Variants in BACH2 observed in about 807,000 individuals in gnomAD.
BACH2 encodes the protein transcription regulator protein BACH2.
Under a neutral mutation model 61.8 loss-of-function variants are expected in BACH2, and 5 were observed. That is an observed-to-expected ratio of 0.08 (90% CI 0.04 to 0.17). The LOEUF (loss-of-function observed/expected upper bound fraction) is 0.17. Ranked by LOEUF, BACH2 falls within the 10% of genes least tolerant of loss-of-function variation. The pLI, the probability that BACH2 is intolerant of heterozygous loss-of-function variation, is 1.00. For synonymous variants in BACH2, 446 were observed against 440.1 expected, an observed-to-expected ratio of 1.01 and a Z score of -0.17; for missense variants, 824 against 1,091.1, an observed-to-expected ratio of 0.76 and a Z score of 3.45.
intron 5 of BACH2, among the ~76,000 whole-genome samples, chr6:90,054,235 G>A (rs996970361): frequency 6.6e-6 from 1 of 152,230 alleles, no homozygotes; most frequent in Non-Finnish European, 1.5e-5. Flanking sequence ...AGCGGTGACA[G>A]ACGGCACCTG....
At chr6:90,098,694 A>G (rs936449471) in intron 4 of BACH2, among the ~76,000 whole-genome samples, 1 of 152,154 alleles carries the variant, frequency 6.6e-6, no homozygotes, top group Non-Finnish European at 1.5e-5. Flanking sequence ...TCTCTTGTAA[A>G]AGAACTCCAG....
chr6:90,277,348 G>A (rs141187721), intron 1 of BACH2, among the ~76,000 whole-genome samples: 303 of 152,300 alleles, frequency 2.0e-3, no homozygotes, highest in Non-Finnish European at 3.4e-3. Context: ...TGCACAATAT[G>A]AGTTAACTGT....
At chr6:90,173,601 G>A (rs1767889894) in intron 4 of BACH2, among the ~76,000 whole-genome samples, 1 of 152,102 alleles carries the variant, frequency 6.6e-6, no homozygotes. Context: ...GATTTCATTT[G>A]TATGACTTTC....
intron 3 of BACH2, among the ~76,000 whole-genome samples, chr6:90,208,896 C>T (rs1769243400): frequency 6.6e-6 from 1 of 152,122 alleles, no homozygotes; most frequent in Non-Finnish European, 1.5e-5. Context: ...AGTTCATGTC[C>T]TTTGCAGGGA....
intron 1 of BACH2, among the ~76,000 whole-genome samples, chr6:90,287,517 T>C (rs1244342591): frequency 1.3e-5 from 2 of 152,158 alleles, no homozygotes; most frequent in African/African-American, 4.8e-5. Flanking sequence ...TAACATACCA[T>C]CTTGCTATAG....
chr6:89,979,380 C>T (rs139737492), intron 6 of BACH2, among the ~76,000 whole-genome samples: 1 of 152,288 alleles, frequency 6.6e-6, no homozygotes, highest in Non-Finnish European at 1.5e-5. Context: ...AAAACACTCC[C>T]CTCCAATTCT....
intron 6 of BACH2, among the ~76,000 whole-genome samples, chr6:90,006,866 C>G (rs937669878): frequency 2.0e-5 from 3 of 152,092 alleles, no homozygotes; most frequent in African/African-American, 7.2e-5. Context: ...GGTCTTCCCG[C>G]TTTGGCCTCC....
chr6:90,033,220 G>A (rs1025128136), intron 5 of BACH2, among the ~76,000 whole-genome samples: 2 of 150,486 alleles, frequency 1.3e-5, no homozygotes, highest in Non-Finnish European at 2.9e-5. Flanking sequence ...GGAGGAGGGA[G>A]GGGGGAGGAA....
intron 6 of BACH2, among the ~76,000 whole-genome samples, chr6:89,996,350 C>A (rs9344981): frequency 6.6e-6 from 1 of 152,050 alleles, no homozygotes; most frequent in South Asian, 2.1e-4. Context: ...TGTTGCCATC[C>A]AACATGCATT....
In BACH2 at chr6:90,185,441, A is replaced by G. The variant is rs865942231; in HGVS notation, c.-162+21128T>C. ...TGAAAAAAGCACAGGGCAAAACTGC[A>G]TTTATAGAACCCAATTATGTAAAAT... On this transcript the variant is annotated intron_variant, in intron 4 of 8. Coordinates refer to ENST00000257749, the MANE Select transcript of BACH2 (RefSeq NM_021813.4). Among the ~76,000 whole-genome samples the G allele has an allele frequency of 4.6e-5, 7 of 152,350 alleles. No individual in the cohort carries two copies. The Middle Eastern group carries it at 0.01, about 222-fold the overall frequency.
intron 4 of BACH2, among the ~76,000 whole-genome samples, chr6:90,140,252 G>C (rs1784418673): frequency 6.6e-6 from 1 of 152,146 alleles, no homozygotes; most frequent in Non-Finnish European, 1.5e-5. Flanking sequence ...ACACAATTTT[G>C]GTTAGCAGCT....
At chr6:90,092,588 A>T (rs908626845) in intron 4 of BACH2, among the ~76,000 whole-genome samples, 1 of 151,612 alleles carries the variant, frequency 6.6e-6, no homozygotes, top group Non-Finnish European at 1.5e-5. Flanking sequence ...TGTATACAGA[A>T]TTTTTTTTGC....
intron 5 of BACH2, among the ~76,000 whole-genome samples, chr6:90,035,200 T>C (rs1401935267): frequency 1.3e-5 from 2 of 151,086 alleles, no homozygotes; most frequent in East Asian, 3.9e-4. Context: ...TGTTAACATA[T>C]TATGACACAC....
chr6:90,251,228 C>T (rs1229171319), intron 3 of BACH2, among the ~76,000 whole-genome samples: 2 of 151,814 alleles, frequency 1.3e-5, no homozygotes, highest in African/African-American at 4.8e-5. Context: ...TCCTAAAAAC[C>T]TCAGTGTTGA....
intron 4 of BACH2, chr6:90,116,910 C>A: frequency 1.9e-6 from 1 of 519,098 alleles, no homozygotes; most frequent in South Asian, 3.7e-5. Context: ...TGTCTTTTCT[C>A]TGACCATTCC....
intron 5 of BACH2, among the ~76,000 whole-genome samples, chr6:90,065,691 GA>G (rs1329289080): frequency 6.6e-6 from 1 of 152,170 alleles, no homozygotes; most frequent in African/African-American, 2.4e-5. Context: ...AGAATCGTGA[GA>G]AATAGTAAAT....
At chr6:89,942,537 G>A (rs1454576573) in intron 7 of BACH2, among the ~76,000 whole-genome samples, 3 of 152,278 alleles carry the variant, frequency 2.0e-5, no homozygotes, top group African/African-American at 7.2e-5. Context: ...TCCCAGCAGT[G>A]GCTTGGTTTC....
chr6:89,993,187 G>A (rs1776670604), intron 6 of BACH2, among the ~76,000 whole-genome samples: 1 of 152,186 alleles, frequency 6.6e-6, no homozygotes. Context: ...CACCCAGCCT[G>A]TGGTATTTTG....
At chr6:90,195,663 G>A (rs1768733831) in intron 4 of BACH2, among the ~76,000 whole-genome samples, 1 of 152,134 alleles carries the variant, frequency 6.6e-6, no homozygotes, top group African/African-American at 2.4e-5. Flanking sequence ...CTCTAATGAT[G>A]TTATCTCATT....
Sources: allele counts gnomAD v4.1 joint callset (sites outside exome capture counted in the v4.1 genomes callset), GRCh38; gene constraint gnomAD v4.1.1; transcripts MANE v1.5; gene names NCBI Gene and HGNC (gene_info 2026-07-23, HGNC 2026-07-21).